The following MAST2 variants were observed in gnomAD, a reference collection of about 807,000 sequenced individuals.
The protein encoded by MAST2 is microtubule associated serine/threonine kinase 2.
MAST2 carries 70 observed loss-of-function variants against 147.4 expected under a neutral mutation model. The observed-to-expected ratio is 0.47, with a 90% CI of 0.39 to 0.58. MAST2 has a LOEUF of 0.58. Ranked by LOEUF, MAST2 falls within the 20% of genes least tolerant of loss-of-function variation. The probability of loss-of-function intolerance (pLI) is 0.00; values close to 1 mark genes in which losing one functional copy is unlikely to be tolerated. For synonymous variants in MAST2, 869 were observed against 896.8 expected (o/e 0.97, Z 0.55); for missense variants, 2,080 against 2,302.3 (o/e 0.90, Z 1.98).
Position 45,860,253 on chromosome 1 carries a change from G to A in MAST2, c.469-22111G>A, listed in dbSNP as rs186841148. ...ACACAAATTAGCCAGGAGTGGTGGC[G>A]GGCACCTGTAATCCCAGCTACTCGG... On this transcript the variant is annotated intron_variant, in intron 3 of 28. Coordinates refer to ENST00000361297, the MANE Select transcript of MAST2 (RefSeq NM_015112.3). 5.1e-3 allele frequency among the ~76,000 whole-genome samples: 769 copies of A among 151,476 alleles called. 4 individuals are homozygous for A. Among genetic ancestry groups the A allele is most frequent in the Non-Finnish European group, 6.0e-3 (404 of 67,836 alleles).
chr1:45,960,254 A>G (rs1660230973), intron 5 of MAST2, among the ~76,000 whole-genome samples: 1 of 152,152 alleles, frequency 6.6e-6, no homozygotes, highest in African/African-American at 2.4e-5. Flanking sequence ...CCCGCCTGTA[A>G]TCCCAGCACT....
intron 12 of MAST2, among the ~76,000 whole-genome samples, 200 bp downstream of exon 12, chr1:46,022,282 T>C (rs1187459093): frequency 6.6e-6 from 1 of 152,222 alleles, no homozygotes; most frequent in African/African-American, 2.4e-5. Context: ...ATCTGCCTGA[T>C]AGATCCCAAC....
intron 3 of MAST2, among the ~76,000 whole-genome samples, chr1:45,858,458 T>C (rs1645866358): frequency 6.6e-6 from 1 of 151,800 alleles, no homozygotes; most frequent in Non-Finnish European, 1.5e-5. Flanking sequence ...TGTGATGGGG[T>C]TGTTTGTTTT....
intron 4 of MAST2, among the ~76,000 whole-genome samples, chr1:45,930,033 A>C (rs529749057): frequency 6.7e-4 from 102 of 152,330 alleles, no homozygotes; most frequent in African/African-American, 2.4e-3. Flanking sequence ...GAGAGCTAAA[A>C]AATGGTATCT....
intron 4 of MAST2, among the ~76,000 whole-genome samples, chr1:45,902,046 CG>C (rs1288210983): frequency 1.3e-5 from 2 of 152,080 alleles, no homozygotes; most frequent in African/African-American, 4.8e-5. Context: ...TGGACATCCT[CG>C]TGTTGTTCCA....
At chr1:46,030,480 G>A (rs1194339855) in intron 21 of MAST2, 127 bp from the exon 22 acceptor site, 2 of 1,109,262 alleles carry the variant, frequency 1.8e-6, no homozygotes, top group South Asian at 1.5e-5. Flanking sequence ...TATTCAGCAG[G>A]GGTGTGTGAA....
At position 46,034,093 on chromosome 1, in the gene MAST2, TC is replaced by T. The variant is rs1262828637; in HGVS notation, c.3697del (p.Arg1233AlafsTer50). On this transcript the variant is annotated frameshift_variant, in exon 28 of 29. Transcript: ENST00000361297. LOFTEE classifies it high-confidence loss of function. ...CGCAGCAGAAAAAGGAGCTCCCTGT[TC>T]CGCAAGATCACCAAGCAAGCATCCC... ...GQESRKRSSL[F>X]RKITKQASLL... is the part of the protein sequence containing the mutation. 1 of 1,613,688 alleles carries T rather than the reference TC, an allele frequency of 6.2e-7. No individual in the cohort carries two copies. Among genetic ancestry groups the T allele is most frequent in the Middle Eastern group, 1.6e-4 (1 of 6,062 alleles).
chr1:45,827,482 G>GA (rs1644829259), intron 2 of MAST2, among the ~76,000 whole-genome samples: 1 of 152,086 alleles, frequency 6.6e-6, no homozygotes, highest in Non-Finnish European at 1.5e-5. Flanking sequence ...AGAGAGAGAT[G>GA]ATAGTAATCT....
chr1:45,929,518 G>C (rs574801918), intron 4 of MAST2, among the ~76,000 whole-genome samples: 1 of 152,326 alleles, frequency 6.6e-6, no homozygotes, highest in South Asian at 2.1e-4. Flanking sequence ...AGTCATGCTT[G>C]TTATGTAGAC....
chr1:45,902,892 C>T (rs1482255118), intron 4 of MAST2, among the ~76,000 whole-genome samples: 1 of 151,988 alleles, frequency 6.6e-6, no homozygotes, highest in Non-Finnish European at 1.5e-5. Flanking sequence ...ATCTACCTAG[C>T]AGTTTAACAG....
chr1:45,862,778 C>T (rs1646023924), intron 3 of MAST2, among the ~76,000 whole-genome samples: 1 of 152,112 alleles, frequency 6.6e-6, no homozygotes. Context: ...GATTTTTAAG[C>T]TGTGTACAAC....
Position 45,975,495 on chromosome 1 carries a change from C to CAAAAAAAAAA in MAST2, c.592+16035_592+16044dup, listed in dbSNP as rs60802520. On this transcript the variant is annotated intron_variant, in intron 5 of 28. Transcript: ENST00000361297. ...GCAATATAGTGAGTCCCTGTCTCTC[C>CAAAAAAAAAA]AAAAAAAAAAAAAAAAAAAAAAAAA... 2.2e-4 allele frequency among the ~76,000 whole-genome samples: 9 copies of CAAAAAAAAAA among 40,430 alleles called. 3 individuals are homozygous for CAAAAAAAAAA. Among genetic ancestry groups the CAAAAAAAAAA allele is most frequent in the African/African-American group, 8.8e-4 (9 of 10,260 alleles). The allele number at this position is 40,430 out of a possible 152,430, so 26.5% of individuals were successfully genotyped here.
chr1:45,969,873 TG>T (rs1250936973), intron 5 of MAST2, among the ~76,000 whole-genome samples: 1 of 152,172 alleles, frequency 6.6e-6, no homozygotes, highest in East Asian at 1.9e-4. Flanking sequence ...CCAAAAAGGT[TG>T]GGGAATGCTG....
chr1:45,928,219 C>T (rs888739769), intron 4 of MAST2, among the ~76,000 whole-genome samples: 1 of 152,168 alleles, frequency 6.6e-6, no homozygotes, highest in Non-Finnish European at 1.5e-5. Flanking sequence ...TATTTTGAAG[C>T]AAATCTCAAA....
At chr1:45,933,711 G>C (rs571926668) in intron 4 of MAST2, among the ~76,000 whole-genome samples, 1 of 151,776 alleles carries the variant, frequency 6.6e-6, no homozygotes, top group African/African-American at 2.4e-5. Context: ...CCAAGATCGT[G>C]CCATTGCACT....
At chr1:45,924,134 G>T (rs1212610462) in intron 4 of MAST2, among the ~76,000 whole-genome samples, 1 of 152,102 alleles carries the variant, frequency 6.6e-6, no homozygotes. Context: ...CTCCCAAAGT[G>T]CTGGGATTAC....
intron 4 of MAST2, among the ~76,000 whole-genome samples, chr1:45,947,299 T>G (rs1039866248): frequency 9.3e-6 from 1 of 107,928 alleles, no homozygotes; most frequent in African/African-American, 3.5e-5. Flanking sequence ...TGATAGCTGA[T>G]GAGCTTTAAA....
At chr1:45,997,659 G>A (rs927259045) in intron 5 of MAST2, 65 bp from the exon 6 acceptor site, 30 of 1,245,664 alleles carry the variant, frequency 2.4e-5, no homozygotes, top group Non-Finnish European at 3.2e-5. Context: ...TTTCTTGCCC[G>A]AAAGTCATGT....
At chr1:46,003,390 T>C (rs1424237135) in intron 7 of MAST2, among the ~76,000 whole-genome samples, 1 of 152,214 alleles carries the variant, frequency 6.6e-6, no homozygotes, top group Non-Finnish European at 1.5e-5. Flanking sequence ...AAACGTTTAT[T>C]TCTTTTGGAG....
Sources: allele counts gnomAD v4.1 joint callset (sites outside exome capture counted in the v4.1 genomes callset), GRCh38; gene constraint gnomAD v4.1.1; transcripts MANE v1.5; gene names NCBI Gene and HGNC (gene_info 2026-07-23, HGNC 2026-07-21).